The following AFG1L variants were observed in gnomAD, a reference collection of about 807,000 sequenced individuals.
AFG1L encodes the protein AFG1-like ATPase.
A neutral mutation model predicts 62.2 loss-of-function variants in AFG1L; 53 were observed. The ratio of observed to expected loss-of-function variants is 0.85; its 90% CI spans 0.68 to 1.07. AFG1L has a LOEUF of 1.07. Ranked by LOEUF, AFG1L falls within the 50% of genes least tolerant of loss-of-function variation. The pLI, the probability that AFG1L is intolerant of heterozygous loss-of-function variation, is 0.00. For synonymous variants in AFG1L, 228 were observed against 210.3 expected, an observed-to-expected ratio of 1.08 and a Z score of -0.73; for missense variants, 555 against 590.5, an observed-to-expected ratio of 0.94 and a Z score of 0.62.
At chr6:108,302,619 C>A (rs911554157) in intron 1 of AFG1L, among the ~76,000 whole-genome samples, 1 of 152,030 alleles carries the variant, frequency 6.6e-6, no homozygotes, top group Admixed American at 6.6e-5. Context: ...ACCCTGGGCA[C>A]GGACTGTGTA....
At chr6:108,433,415 T>A (rs1358471489) in intron 7 of AFG1L, among the ~76,000 whole-genome samples, 1 of 148,378 alleles carries the variant, frequency 6.7e-6, no homozygotes, top group Non-Finnish European at 1.5e-5. Flanking sequence ...AAGTAGCTGG[T>A]ACTGCAGGCA....
chr6:108,406,075 T>C (rs1781839570), intron 7 of AFG1L, among the ~76,000 whole-genome samples: 1 of 152,254 alleles, frequency 6.6e-6, no homozygotes, highest in Non-Finnish European at 1.5e-5. Context: ...CTATTATGAA[T>C]ATTGCTGCTT....
intron 1 of AFG1L, among the ~76,000 whole-genome samples, chr6:108,297,647 G>A (rs551490277): frequency 6.6e-6 from 1 of 151,828 alleles, no homozygotes; most frequent in Admixed American, 6.6e-5. Flanking sequence ...TTGAGCTCAG[G>A]AGTTTGAGAC....
rs1297202868 is a variant in AFG1L at position 108,341,350 on chromosome 6, A to G, written c.364-5638A>G. On this transcript the variant is annotated intron_variant, in intron 2 of 12. Coordinates refer to ENST00000368977, the MANE Select transcript of AFG1L (RefSeq NM_145315.5). ...GGATGTAAATTGCTTGAACTTACTA[A>G]TTGTATTGTTCAGATCTTTGAGAGG... 2.0e-5 allele frequency among the ~76,000 whole-genome samples: 3 copies of G among 152,242 alleles called. No individual in the cohort carries two copies. In the East Asian group the frequency reaches 5.8e-4, roughly 29 times the overall value.
chr6:108,324,616 G>A (rs1361104753), intron 2 of AFG1L, among the ~76,000 whole-genome samples: 1 of 151,928 alleles, frequency 6.6e-6, no homozygotes, highest in African/African-American at 2.4e-5. Flanking sequence ...CTCTGGGGAA[G>A]CAACTCACAA....
intron 6 of AFG1L, among the ~76,000 whole-genome samples, chr6:108,374,106 T>A (rs1780138350): frequency 6.6e-6 from 1 of 152,180 alleles, no homozygotes; most frequent in African/African-American, 2.4e-5. Context: ...GATTTTTTTT[T>A]ATATGTTTGT....
chr6:108,452,985 A>G (rs529951178), intron 8 of AFG1L, among the ~76,000 whole-genome samples: 27 of 152,318 alleles, frequency 1.8e-4, no homozygotes, highest in African/African-American at 6.5e-4. Flanking sequence ...AGGGCCTCGC[A>G]TTCTTGGCAT....
intron 7 of AFG1L, among the ~76,000 whole-genome samples, chr6:108,406,238 C>T (rs746610335): frequency 7.9e-5 from 12 of 151,858 alleles, no homozygotes; most frequent in Non-Finnish European, 1.6e-4. Context: ...TACCATATTA[C>T]GTTCCCATCA....
intron 7 of AFG1L, among the ~76,000 whole-genome samples, chr6:108,415,582 A>G (rs931923004): frequency 1.3e-5 from 2 of 152,210 alleles, no homozygotes; most frequent in African/African-American, 2.4e-5. Context: ...TATACAGACC[A>G]ATGGAACAGA....
At chr6:108,395,672 A>T (rs1781263032) in intron 6 of AFG1L, among the ~76,000 whole-genome samples, 2 of 151,152 alleles carry the variant, frequency 1.3e-5, no homozygotes, top group Admixed American at 1.3e-4. Flanking sequence ...AAAGTGCTGG[A>T]ATTTACAAAT....
intron 8 of AFG1L, among the ~76,000 whole-genome samples, chr6:108,456,380 C>A (rs1210263397): frequency 6.6e-6 from 1 of 151,980 alleles, no homozygotes; most frequent in Non-Finnish European, 1.5e-5. Flanking sequence ...TGCAATCTGA[C>A]AATCTTTTTC....
chr6:108,485,050 G>A (rs1290112199), intron 10 of AFG1L, among the ~76,000 whole-genome samples: 1 of 152,186 alleles, frequency 6.6e-6, no homozygotes, highest in Non-Finnish European at 1.5e-5. Flanking sequence ...TGAAAAGGGA[G>A]TGAAGAAGGA....
chr6:108,406,740 A>G (rs568889346), intron 7 of AFG1L, among the ~76,000 whole-genome samples: 2 of 152,230 alleles, frequency 1.3e-5, no homozygotes, highest in Admixed American at 1.3e-4. Context: ...GCCTGGCCTT[A>G]TCTTCTCTTT....
At chr6:108,429,186 A>G (rs1770956648) in intron 7 of AFG1L, among the ~76,000 whole-genome samples, 2 of 152,204 alleles carry the variant, frequency 1.3e-5, no homozygotes, top group South Asian at 4.1e-4. Flanking sequence ...CCCAACTTAT[A>G]TTTTTATATG....
intron 2 of AFG1L, among the ~76,000 whole-genome samples, chr6:108,339,744 C>A (rs1778610770): frequency 6.6e-6 from 1 of 151,944 alleles, no homozygotes; most frequent in Non-Finnish European, 1.5e-5. Context: ...TACTGAAATT[C>A]TTTTAAATTA....
intron 10 of AFG1L, among the ~76,000 whole-genome samples, chr6:108,503,641 A>G (rs1197209339): frequency 6.6e-6 from 1 of 152,242 alleles, no homozygotes; most frequent in Non-Finnish European, 1.5e-5. Context: ...TCAGAATGGT[A>G]AATGAGCATT....
intron 2 of AFG1L, among the ~76,000 whole-genome samples, chr6:108,333,481 G>C: frequency 6.6e-6 from 1 of 152,010 alleles, no homozygotes; most frequent in Non-Finnish European, 1.5e-5. Flanking sequence ...AATGGCTCAC[G>C]CCTGTAATCT....
intron 6 of AFG1L, among the ~76,000 whole-genome samples, chr6:108,374,155 T>C (rs1780140408): frequency 6.6e-6 from 1 of 152,190 alleles, no homozygotes; most frequent in Non-Finnish European, 1.5e-5. Flanking sequence ...TGTCTGTTCA[T>C]TTCTTTTGCC....
chr6:108,359,038 A>C (rs187780102), intron 5 of AFG1L: 14 of 152,314 alleles, frequency 9.2e-5, no homozygotes, highest in African/African-American at 3.1e-4. Context: ...TTTCTTTTAA[A>C]ATTTGTGGAC....
Sources: allele counts gnomAD v4.1 joint callset (sites outside exome capture counted in the v4.1 genomes callset), GRCh38; gene constraint gnomAD v4.1.1; transcripts MANE v1.5; gene names NCBI Gene and HGNC (gene_info 2026-07-23, HGNC 2026-07-21).